TSHZ2: variants seen among roughly 807,000 people sequenced by gnomAD.
TSHZ2 encodes the protein teashirt zinc finger homeobox 2, also known as teashirt homolog 2.
In TSHZ2, 21 loss-of-function variants were observed where a neutral mutation model predicts 74.4. The ratio of observed to expected loss-of-function variants is 0.28; its 90% CI spans 0.20 to 0.41. The LOEUF (loss-of-function observed/expected upper bound fraction) is 0.41, where lower values mean the gene tolerates loss of function less well. Among genes scored for constraint, TSHZ2 ranks in the 10% least tolerant of loss-of-function variants. TSHZ2 has a pLI of 1.00. For synonymous variants in TSHZ2, 540 were observed against 515.3 expected, an observed-to-expected ratio of 1.05 and a Z score of -0.65; for missense variants, 1,244 against 1,293.5, an observed-to-expected ratio of 0.96 and a Z score of 0.59.
rs16997683 is a variant in TSHZ2 at position 53,173,038 on chromosome 20, T to G, written c.41-80461T>G. ...AGGAATGGCAGTACCTGTCTCATAATGGTCTTGAGCTGGTGCATGACACAT... is the reference window on the plus strand; with the variant it reads ...AGGAATGGCAGTACCTGTCTCATAAGGGTCTTGAGCTGGTGCATGACACAT... On this transcript the variant is annotated intron_variant, in intron 1 of 2. Coordinates refer to ENST00000371497, the MANE Select transcript of TSHZ2 (RefSeq NM_173485.6). Among the ~76,000 whole-genome samples the G allele has an allele frequency of 0.034, 5,220 of 152,264 alleles. 512 individuals are homozygous for G. In the East Asian group the frequency reaches 0.39, roughly 11 times the overall value.
chr20:53,308,808 A>T (rs1978655974), intron 2 of TSHZ2, among the ~76,000 whole-genome samples: 1 of 152,202 alleles, frequency 6.6e-6, no homozygotes, highest in Non-Finnish European at 1.5e-5. Context: ...ACCAGGCCAC[A>T]TGACTGTGGA....
intron 2 of TSHZ2, among the ~76,000 whole-genome samples, chr20:53,477,127 CA>C (rs1215412716): frequency 2.7e-5 from 1 of 37,288 alleles, no homozygotes; most frequent in Admixed American, 3.4e-4. Context: ...ATCAAGCTAC[CA>C]ATGCCTTTCT....
chr20:53,184,986 G>C (rs1988567401), intron 1 of TSHZ2, among the ~76,000 whole-genome samples: 1 of 152,194 alleles, frequency 6.6e-6, no homozygotes, highest in Admixed American at 6.5e-5. Context: ...TGGGATTACA[G>C]GCTTAAATAT....
intron 1 of TSHZ2, among the ~76,000 whole-genome samples, chr20:53,025,984 G>T (rs554131685): frequency 1.3e-5 from 2 of 152,280 alleles, no homozygotes; most frequent in East Asian, 3.9e-4. Flanking sequence ...ATTGCAGGAG[G>T]CTGTGGTATG....
In TSHZ2 at chr20:53,255,744, T is replaced by A. The variant is rs1338400760; in HGVS notation, c.2286T>A (p.Asp762Glu). The change falls in exon 2 of 3, where the codon GAT (aspartate) becomes GAA (glutamate). Residue 762 changes from aspartate (D) to glutamate (E), a missense_variant. Asp to Glu is a conservative substitution (Grantham distance 45, BLOSUM62 2). This residue lies in a region of TSHZ2 where 562 missense variants were observed against 544.0 expected (regional missense o/e 1.03). Transcript: ENST00000371497. The surrounding 1 kb of genome is among the most constrained non-coding windows in gnomAD (Gnocchi z 4.1). Reference protein sequence around the residue: ...VSRRYLFENSDQPIDLTKSKS... With the variant: ...VSRRYLFENSEQPIDLTKSKS... ...GGCGCTACCTGTTTGAGAACAGCGA[T>A]CAGCCCATTGACCTGACCAAGTCCA... The A allele has an allele frequency of 9.3e-6, 15 of 1,613,564 alleles. No individual in the cohort carries two copies. The highest frequency in any genetic ancestry group is 1.3e-5 in the Non-Finnish European group (15 of 1,179,850).
intron 1 of TSHZ2, chr20:53,185,582 T>G: frequency 6.6e-7 from 1 of 1,518,926 alleles, no homozygotes; most frequent in Non-Finnish European, 8.8e-7. Flanking sequence ...ATCACGCCAC[T>G]GCACTCCAGC....
chr20:53,139,973 G>GT (rs11478206), intron 1 of TSHZ2, among the ~76,000 whole-genome samples: 3 of 151,754 alleles, frequency 2.0e-5, no homozygotes, highest in East Asian at 1.9e-4. Context: ...TTATCTGGCC[G>GT]TTTTTTTGCC....
chr20:53,089,639 CAGT>C (rs1359265536), intron 1 of TSHZ2, among the ~76,000 whole-genome samples: 3 of 152,138 alleles, frequency 2.0e-5, no homozygotes, highest in Admixed American at 2.0e-4. Context: ...ATTTTTCACA[CAGT>C]AATAATAGCT....
At chr20:53,391,431 G>A (rs1982251795) in intron 2 of TSHZ2, among the ~76,000 whole-genome samples, 2 of 149,690 alleles carry the variant, frequency 1.3e-5, no homozygotes, top group African/African-American at 2.4e-5. Flanking sequence ...AGGTGTGAGC[G>A]ACAGCACCAG....
chr20:53,455,678 G>A (rs1046049436), intron 2 of TSHZ2, among the ~76,000 whole-genome samples: 2 of 148,198 alleles, frequency 1.3e-5, no homozygotes, highest in Non-Finnish European at 3.0e-5. Flanking sequence ...TCGTCATCTA[G>A]CATTAGGTAT....
At chr20:53,485,788 C>A (rs1056342987) in intron 2 of TSHZ2, among the ~76,000 whole-genome samples, 2 of 151,556 alleles carry the variant, frequency 1.3e-5, no homozygotes, top group South Asian at 2.1e-4. Context: ...CCTAGTATGA[C>A]CATAGGTTAA....
chr20:53,055,377 CTG>C (rs1286044243), intron 1 of TSHZ2, among the ~76,000 whole-genome samples: 6 of 152,202 alleles, frequency 3.9e-5, no homozygotes, highest in African/African-American at 1.4e-4. Flanking sequence ...AATTATCTCA[CTG>C]TGCCAGGATT....
chr20:53,448,869 A>G (rs1397115479), intron 2 of TSHZ2, among the ~76,000 whole-genome samples: 1 of 152,192 alleles, frequency 6.6e-6, no homozygotes, highest in Non-Finnish European at 1.5e-5. Context: ...GATTGCTGTA[A>G]AGATTAGTGA....
intron 1 of TSHZ2, among the ~76,000 whole-genome samples, chr20:53,210,347 G>A (rs772567658): frequency 1.2e-4 from 18 of 152,200 alleles, no homozygotes; most frequent in Non-Finnish European, 2.2e-4. Context: ...CGGGCCACAT[G>A]TGGGCTTGAA....
chr20:53,217,877 CA>C (rs1359438864), intron 1 of TSHZ2, among the ~76,000 whole-genome samples: 1 of 152,008 alleles, frequency 6.6e-6, no homozygotes, highest in Non-Finnish European at 1.5e-5. Context: ...CCTTTGCAAA[CA>C]AAAAAACTAA....
chr20:53,440,321 C>T (rs189894296), intron 2 of TSHZ2, among the ~76,000 whole-genome samples: 2 of 152,170 alleles, frequency 1.3e-5, no homozygotes, highest in Non-Finnish European at 1.5e-5. Context: ...AACAAGAGGG[C>T]AGCCTGGGAG....
intron 1 of TSHZ2, among the ~76,000 whole-genome samples, chr20:53,181,895 C>A (rs1212570403): frequency 6.6e-6 from 1 of 151,814 alleles, no homozygotes; most frequent in Admixed American, 6.6e-5. Flanking sequence ...GTGTGGCTGA[C>A]CAGAAAGACT....
rs111980722 is a variant in TSHZ2, at chr20:53,271,048, A to G, written c.*8+14477A>G. ...CTCTGGCTTAGAAGTCAAAGAGCCA[A>G]TCAGGACCTCGTCATCCCAGAAATG... On this transcript the variant is annotated intron_variant, in intron 2 of 2. Transcript: ENST00000371497. Among the ~76,000 whole-genome samples the G allele has an allele frequency of 2.0e-4, 30 of 152,336 alleles. 2 individuals carry two copies. Among genetic ancestry groups the G allele is most frequent in the African/African-American group, 7.0e-4 (29 of 41,582 alleles).
intron 1 of TSHZ2, among the ~76,000 whole-genome samples, chr20:53,043,555 A>C (rs1364088340): frequency 6.6e-6 from 1 of 152,168 alleles, no homozygotes; most frequent in African/African-American, 2.4e-5. Context: ...TTAAAAAAAA[A>C]ATCTCTGAAA....
Sources: gnomAD v4.1 joint callset for allele counts (sites outside exome capture counted in the v4.1 genomes callset) on GRCh38, gnomAD v4.1.1 for gene constraint, gnomAD v4.1.1 regional missense constraint, Gnocchi (gnomAD v3.1) non-coding constraint, MANE v1.5 for transcripts, NCBI Gene and HGNC (gene_info 2026-07-23, HGNC 2026-07-21) for gene names.